The following PCLO variants were observed in gnomAD, a reference collection of about 807,000 sequenced individuals.
The protein encoded by PCLO is piccolo presynaptic cytomatrix protein.
A neutral mutation model predicts 427.5 loss-of-function variants in PCLO; 82 were observed. The observed-to-expected ratio is 0.19, with a 90% CI of 0.16 to 0.23. PCLO has a LOEUF of 0.23. PCLO is among the 10% of genes least tolerant of loss of function. The pLI is 1.00. For synonymous variants in PCLO, 2,357 were observed against 2,155.4 expected (o/e 1.09, Z -2.59); for missense variants, 6,239 against 6,115.9 (o/e 1.02, Z -0.67).
chr7:83,134,759 G>C lies in PCLO; in HGVS notation c.2791C>G (p.Leu931Val). The C allele has an allele frequency of 6.2e-7, 1 of 1,613,942 alleles. No individual in the cohort carries two copies. Among genetic ancestry groups the C allele is most frequent in the South Asian group, 1.1e-5 (1 of 91,076 alleles). The change falls in exon 3 of 25, where the codon CTC becomes GTC. Residue 931 changes from leucine to valine, a missense_variant. Physicochemically the swap from Leu to Val is conservative, Grantham distance 32. This residue lies in a region of PCLO where 4,677 missense variants were observed against 4,468.4 expected (regional missense o/e 1.05). Coordinates refer to ENST00000333891, the MANE Select transcript of PCLO (RefSeq NM_033026.6). The stretch of plus-strand genomic sequence containing the variant: ...AAGATTGATGCTCCAAACCCAAAGA[G>C]TTTCCCAGTCACGGTCTCTTGAGGA... ...TTPQETVTGK[L>V]FGFGASIFSQ...
At chr7:82,781,145 A>T (rs1361734785) in intron 22 of PCLO, among the ~76,000 whole-genome samples, 8 of 151,886 alleles carry the variant, frequency 5.3e-5, no homozygotes, top group East Asian at 1.9e-4. Flanking sequence ...GATTTAAAAA[A>T]TTTTTCATTT....
intron 22 of PCLO, among the ~76,000 whole-genome samples, chr7:82,775,447 G>A (rs541906721): frequency 6.6e-6 from 1 of 152,128 alleles, no homozygotes; most frequent in Admixed American, 6.5e-5. Context: ...GTGTGTAGGG[G>A]TATATCACTG....
At chr7:83,142,754 TC>T (rs1791893297) in intron 2 of PCLO, among the ~76,000 whole-genome samples, 1 of 151,770 alleles carries the variant, frequency 6.6e-6, no homozygotes. Flanking sequence ...AGGTCAGGAG[TC>T]CAAAACCAGC....
chr7:82,779,485 T>C (rs574788590), intron 22 of PCLO, among the ~76,000 whole-genome samples: 5 of 152,154 alleles, frequency 3.3e-5, no homozygotes, highest in Non-Finnish European at 7.4e-5. Context: ...CATGAATTTG[T>C]GGTGATTTGG....
intron 6 of PCLO, among the ~76,000 whole-genome samples, chr7:82,947,945 T>C (rs974298607): frequency 6.6e-6 from 1 of 152,140 alleles, no homozygotes; most frequent in African/African-American, 2.4e-5. Context: ...ATACATATTA[T>C]GTAAATAGTC....
At chr7:83,036,238 G>A (rs559963485) in intron 3 of PCLO, among the ~76,000 whole-genome samples, 5 of 152,170 alleles carry the variant, frequency 3.3e-5, no homozygotes, top group African/African-American at 1.2e-4. Flanking sequence ...CACCTAGAAG[G>A]CTTGATAAAA....
At position 82,949,544 on chromosome 7, in the gene PCLO, G is replaced by A. The variant is rs201832967; in HGVS notation, c.11044C>T (p.Pro3682Ser). 6.2e-7 allele frequency: 1 copy of A among 1,613,740 alleles called. No individual in the cohort carries two copies. Among genetic ancestry groups the A allele is most frequent in the East Asian group, 2.2e-5 (1 of 44,872 alleles). Residue 3682 changes from proline to serine, a missense_variant, in exon 6 of 25, where the codon CCC (proline) becomes TCC (serine). Around this residue, in one of 5 missense-constraint regions of PCLO, gnomAD observed 4,677 missense variants for 4,468.4 expected, o/e 1.05. Transcript: ENST00000333891. Reference protein sequence around the residue: ...AKMMQRSMSDPKPLSPTADES... With the variant: ...AKMMQRSMSDSKPLSPTADES... ...TCTGCTGTTGGACTCAGAGGCTTGG[G>A]GTCAGACATAGAACGCTGCATCATC...
chr7:83,128,809 A>T (rs960613064), intron 3 of PCLO, among the ~76,000 whole-genome samples: 2 of 152,144 alleles, frequency 1.3e-5, no homozygotes, highest in African/African-American at 4.8e-5. Flanking sequence ...ACATTGAACC[A>T]TATACTTTCA....
chr7:82,950,350 C>A lies in PCLO; in HGVS notation c.10238G>T (p.Arg3413Ile), dbSNP rs1457498321. 39 of 1,613,598 alleles carry A rather than the reference C, an allele frequency of 2.4e-5. No individual in the cohort carries two copies. The Admixed American group carries it at 6.2e-4, about 26-fold the overall frequency. The change falls in exon 6 of 25, where the codon AGA (arginine) becomes ATA (isoleucine). Residue 3413 changes from arginine (R) to isoleucine (I), a missense_variant. This residue lies in a region of PCLO where 4,677 missense variants were observed against 4,468.4 expected (regional missense o/e 1.05). Coordinates refer to ENST00000333891, the MANE Select transcript of PCLO (RefSeq NM_033026.6). ...VVKEEKQPKKRSSGAKVRGQY... is the reference protein window; with the variant it reads ...VVKEEKQPKKISSGAKVRGQY... Reference sequence around the variant, plus strand: ...TCCTCGGACTTTAGCTCCAGAACTTCTCTTTTTGGGTTGTTTTTCCTCTTT... The same window carrying A: ...TCCTCGGACTTTAGCTCCAGAACTTATCTTTTTGGGTTGTTTTTCCTCTTT...
chr7:82,910,771 C>T (rs942741601), intron 7 of PCLO, among the ~76,000 whole-genome samples: 3 of 152,080 alleles, frequency 2.0e-5, no homozygotes, highest in Non-Finnish European at 4.4e-5. Context: ...GTTTTCCAGT[C>T]TTAATTTGAA....
At chr7:83,057,335 T>TATATATATATATATAC (rs1789411454) in intron 3 of PCLO, among the ~76,000 whole-genome samples, 1 of 20,004 alleles carries the variant, frequency 5.0e-5, no homozygotes, top group Non-Finnish European at 1.1e-4. Flanking sequence ...TATATATATA[T>TATATATATATATATAC]ATATATATAT....
In PCLO at chr7:82,950,834, T is replaced by C. The variant is rs1181678596; in HGVS notation, c.9754A>G (p.Met3252Val). 6.8e-6 allele frequency: 11 copies of C among 1,613,708 alleles called. No homozygotes were observed. The highest frequency in any genetic ancestry group is 9.3e-6 in the Non-Finnish European group (11 of 1,179,856). ...IQRFREQEKI[M>V]VQKKLEELQS... ...AGCTCCTCCAACTTTTTCTGAACCA[T>C]GATCTTTTCTTGTTCTCGGAACCTT... Residue 3252 changes from methionine to valine, a missense_variant, in exon 6 of 25, where the codon ATG becomes GTG. Met to Val is a conservative substitution (Grantham distance 21). Around this residue, in one of 5 missense-constraint regions of PCLO, gnomAD observed 4,677 missense variants for 4,468.4 expected, o/e 1.05. Coordinates refer to ENST00000333891, the MANE Select transcript of PCLO (RefSeq NM_033026.6).
At chr7:83,086,877 A>G (rs1790248048) in intron 3 of PCLO, among the ~76,000 whole-genome samples, 2 of 152,202 alleles carry the variant, frequency 1.3e-5, no homozygotes, top group East Asian at 1.9e-4. Context: ...GCCATGGAAT[A>G]CTATGCAGCC....
At chr7:82,979,172 TAA>T (rs1247180139) in intron 3 of PCLO, among the ~76,000 whole-genome samples, 3 of 152,144 alleles carry the variant, frequency 2.0e-5, no homozygotes, top group African/African-American at 7.2e-5. Flanking sequence ...TTCAGAATCC[TAA>T]GTCTCATATA....
At chr7:82,890,774 T>C (rs1046750129) in intron 9 of PCLO, among the ~76,000 whole-genome samples, 27 of 151,930 alleles carry the variant, frequency 1.8e-4, no homozygotes, top group African/African-American at 4.8e-4. Flanking sequence ...ACTTCTATTT[T>C]AGGCTTGTAG....
chr7:82,760,549 T>C, intron 24 of PCLO, 90 bp downstream of exon 24: 4 of 771,678 alleles, frequency 5.2e-6, no homozygotes, highest in Non-Finnish European at 7.9e-6. Flanking sequence ...ATATAGTGTA[T>C]GATCAGTATA....
intron 3 of PCLO, among the ~76,000 whole-genome samples, chr7:83,008,092 T>G (rs2115970000): frequency 6.6e-6 from 1 of 151,608 alleles, no homozygotes; most frequent in East Asian, 1.9e-4. Context: ...GTGTAATAAA[T>G]ACACACACAT....
chr7:82,875,854 T>C (rs1301194293), intron 10 of PCLO, among the ~76,000 whole-genome samples: 1 of 152,052 alleles, frequency 6.6e-6, no homozygotes, highest in Non-Finnish European at 1.5e-5. Flanking sequence ...TTTTTAAAAG[T>C]CTGTGATAAG....
chr7:83,131,767 G>A (rs1156419458), intron 3 of PCLO, among the ~76,000 whole-genome samples: 1 of 151,886 alleles, frequency 6.6e-6, no homozygotes, highest in Non-Finnish European at 1.5e-5. Context: ...ATTACAAGCA[G>A]AATAAGGAAA....
Sources: gnomAD v4.1 joint callset for allele counts (sites outside exome capture counted in the v4.1 genomes callset) on GRCh38, gnomAD v4.1.1 for gene constraint, gnomAD v4.1.1 regional missense constraint, MANE v1.5 for transcripts, NCBI Gene and HGNC (gene_info 2026-07-23, HGNC 2026-07-21) for gene names.